Variants in CFAP61 observed in about 807,000 individuals in gnomAD.
CFAP61 encodes the protein cilia- and flagella-associated protein 61.
CFAP61 carries 107 observed loss-of-function variants against 135.6 expected under a neutral mutation model. The observed-to-expected ratio is 0.79, with a 90% CI of 0.67 to 0.93. CFAP61 has a LOEUF of 0.93. Among genes scored for constraint, CFAP61 ranks in the 40% least tolerant of loss-of-function variants. The pLI is 0.00. For missense variants in CFAP61, 1,507 were observed against 1,556.2 expected, an observed-to-expected ratio of 0.97 and a Z score of 0.53; for synonymous variants, 575 against 578.5, an observed-to-expected ratio of 0.99 and a Z score of 0.09.
rs2047779434 is a variant in CFAP61 at position 20,098,703 on chromosome 20, A to G, written c.748A>G (p.Met250Val). Residue 250 changes from methionine to valine, a missense_variant, in exon 8 of 27, where the codon ATG becomes GTG. Coordinates refer to ENST00000245957, the MANE Select transcript of CFAP61 (RefSeq NM_015585.4). ...CATGAGTGTGTGCTCAAGAGTGAAC[A>G]TGCAACTGCTGCATGAGTGCTTTGA... ...GFMSVCSRVN[M>V]QLLHECFDLG... The G allele has an allele frequency of 2.5e-6, 4 of 1,613,766 alleles. No individual in the cohort carries two copies. The highest frequency in any genetic ancestry group is 1.1e-5 in the South Asian group (1 of 91,066).
chr20:20,153,458 G>T (rs2052621825), intron 9 of CFAP61, among the ~76,000 whole-genome samples: 1 of 152,000 alleles, frequency 6.6e-6, no homozygotes, highest in African/African-American at 2.4e-5. Flanking sequence ...AAACAAAATT[G>T]ATAGACCATT....
At chr20:20,106,023 T>C (rs879715685) in intron 8 of CFAP61, among the ~76,000 whole-genome samples, 22,458 of 75,128 alleles carry the variant, frequency 0.3, 2,958 homozygotes, top group Middle Eastern at 0.43. Flanking sequence ...TATATATATA[T>C]ATATATATAT....
intron 21 of CFAP61, among the ~76,000 whole-genome samples, chr20:20,265,169 C>A (rs2052605683): frequency 1.3e-5 from 2 of 152,306 alleles, no homozygotes; most frequent in South Asian, 2.1e-4. Context: ...TGGTTCAAGA[C>A]AAAATGCACA....
intron 8 of CFAP61, among the ~76,000 whole-genome samples, chr20:20,116,992 A>G (rs1023279925): frequency 6.6e-6 from 1 of 152,156 alleles, no homozygotes; most frequent in Non-Finnish European, 1.5e-5. Flanking sequence ...TTTTGTATCC[A>G]GTTTTCCCAG....
chr20:20,133,051 T>C (rs1299301844), intron 8 of CFAP61, among the ~76,000 whole-genome samples: 2 of 152,210 alleles, frequency 1.3e-5, no homozygotes, highest in African/African-American at 4.8e-5. Context: ...TATTCCTGTG[T>C]TTCATTTATG....
chr20:20,355,684 T>G (rs1288264686), intron 26 of CFAP61, among the ~76,000 whole-genome samples: 45 of 120,540 alleles, frequency 3.7e-4, no homozygotes, highest in South Asian at 2.0e-3. Flanking sequence ...TAAGGGGAGG[T>G]GGTCACACTG....
chr20:20,095,451 C>A (rs533443893), intron 7 of CFAP61: 1 of 152,386 alleles, frequency 6.6e-6, no homozygotes, highest in South Asian at 2.1e-4. Flanking sequence ...GAGGGCAAGG[C>A]TGTGCCCTGT....
chr20:20,150,184 A>C (rs1377534418), intron 9 of CFAP61, among the ~76,000 whole-genome samples: 3 of 150,570 alleles, frequency 2.0e-5, no homozygotes, highest in Non-Finnish European at 4.4e-5. Context: ...ACCCCCCTAC[A>C]CTCCAAAGTG....
intron 8 of CFAP61, among the ~76,000 whole-genome samples, chr20:20,103,494 G>T (rs546595895): frequency 6.6e-6 from 1 of 152,108 alleles, no homozygotes; most frequent in Admixed American, 6.5e-5. Flanking sequence ...TGTGGAAGTA[G>T]CAAGTTCCCA....
chr20:20,151,150 T>TA (rs1307829693), intron 9 of CFAP61, among the ~76,000 whole-genome samples: 1 of 151,732 alleles, frequency 6.6e-6, no homozygotes, highest in Admixed American at 6.6e-5. Context: ...AGAAATTTTT[T>TA]AAAAAAATAC....
At chr20:20,192,317 G>A (rs1177072635) in intron 15 of CFAP61, among the ~76,000 whole-genome samples, 2 of 151,996 alleles carry the variant, frequency 1.3e-5, no homozygotes, top group African/African-American at 2.4e-5. Context: ...TGTTTGTCCT[G>A]TGGGTCCACT....
intron 13 of CFAP61, among the ~76,000 whole-genome samples, chr20:20,181,276 T>TACACACACACACACACACACACAC (rs74180984): frequency 2.8e-5 from 4 of 144,544 alleles, no homozygotes; most frequent in South Asian, 4.5e-4. Flanking sequence ...TGTGTATGTA[T>TACACACACACACACACACACACAC]ACACACACAC....
chr20:20,229,902 G>A (rs1312345831), intron 18 of CFAP61, among the ~76,000 whole-genome samples: 3 of 152,198 alleles, frequency 2.0e-5, no homozygotes, highest in Non-Finnish European at 2.9e-5. Flanking sequence ...GGTATGCCAC[G>A]TTATAGTCTG....
At chr20:20,313,529 G>A (rs538662474) in intron 25 of CFAP61, among the ~76,000 whole-genome samples, 4 of 152,284 alleles carry the variant, frequency 2.6e-5, no homozygotes, top group Admixed American at 2.0e-4. Flanking sequence ...CACTGGACAC[G>A]TCTGTGTAGC....
In CFAP61 at chr20:20,196,582, A is replaced by G; in HGVS notation, c.1603A>G (p.Ile535Val). 1.2e-6 allele frequency: 2 copies of G among 1,613,384 alleles called. No individual in the cohort carries two copies. Among genetic ancestry groups the G allele is most frequent in the Non-Finnish European group, 1.7e-6 (2 of 1,179,278 alleles). ...VIRNEMDIEYIRSHYNIEDFI... is the reference protein window; with the variant it reads ...VIRNEMDIEYVRSHYNIEDFI... ...GTCTCTTCTGTAGGACATTGAGTACATACGGTCCCATTACAACATTGAAGA... is the reference window on the plus strand; with the variant it reads ...GTCTCTTCTGTAGGACATTGAGTACGTACGGTCCCATTACAACATTGAAGA... The change falls in exon 16 of 27, where the codon ATA (isoleucine) becomes GTA (valine). Residue 535 changes from isoleucine (I) to valine (V), a missense_variant. Ile to Val is a conservative substitution (Grantham distance 29, BLOSUM62 3). Transcript: ENST00000245957.
In CFAP61 at chr20:20,276,120, GCAAACAAGACAAGCCATCA is replaced by G. The variant is rs1264981079; in HGVS notation, c.2504-1043_2504-1025del. Among the ~76,000 whole-genome samples, 6 of 152,288 alleles carry G rather than the reference GCAAACAAGACAAGCCATCA, an allele frequency of 3.9e-5. No homozygotes were observed. In the South Asian group the frequency reaches 8.3e-4, roughly 21 times the overall value. ...AGTTACTGTAGTTTATTTTTCCTAA[GCAAACAAGACAAGCCATCA>G]CACTTCCTTTCAACTTTGGATTGAA... On this transcript the variant is annotated intron_variant, in intron 21 of 26. Transcript: ENST00000245957.
At position 20,174,373 on chromosome 20, in the gene CFAP61, C is replaced by A. The variant is rs149571735; in HGVS notation, c.1385+4913C>A. ...CTTTTTCCATTCAAGAAGCCATGCA[C>A]GGTCCCATAGGGGAAGACATCCCTC... On this transcript the variant is annotated intron_variant, in intron 13 of 26. Coordinates refer to ENST00000245957, the MANE Select transcript of CFAP61 (RefSeq NM_015585.4). Among the ~76,000 whole-genome samples, 197 of 152,304 alleles carry A rather than the reference C, an allele frequency of 1.3e-3. 1 individual carries two copies. The highest frequency in any genetic ancestry group is 4.6e-3 in the African/African-American group (190 of 41,562).
intron 26 of CFAP61, among the ~76,000 whole-genome samples, chr20:20,356,109 G>A (rs1180775277): frequency 4.5e-4 from 7 of 15,478 alleles, no homozygotes; most frequent in East Asian, 0.022. Context: ...AGGGGAGGTG[G>A]TCACACTGAG....
rs1310810371 is a variant in CFAP61, at chr20:20,236,957, TC to T, written c.2060+8583del. Among the ~76,000 whole-genome samples the T allele has an allele frequency of 9.8e-5, 15 of 152,374 alleles. 1 individual carries two copies. The highest frequency in any genetic ancestry group is 3.6e-4 in the African/African-American group (15 of 41,590). On this transcript the variant is annotated intron_variant, in intron 18 of 26. Transcript: ENST00000245957. ...AGTATAAATGTATAATGTTTTTACTTCCTAGACATAGATAAAAACATCATTA... is the reference window on the plus strand; with the variant it reads ...AGTATAAATGTATAATGTTTTTACTTCTAGACATAGATAAAAACATCATTA...
Sources: allele counts gnomAD v4.1 joint callset (sites outside exome capture counted in the v4.1 genomes callset), GRCh38; gene constraint gnomAD v4.1.1; transcripts MANE v1.5; gene names NCBI Gene and HGNC (gene_info 2026-07-23, HGNC 2026-07-21).